The following GAS2L2 variants were observed in gnomAD, a reference collection of about 807,000 sequenced individuals.
GAS2L2 encodes the protein GAS2-like protein 2.
GAS2L2 carries 21 observed loss-of-function variants against 35.2 expected under a neutral mutation model. The observed-to-expected ratio is 0.60, with a 90% CI of 0.42 to 0.86. GAS2L2 has a LOEUF of 0.86. GAS2L2 is among the 40% of genes least tolerant of loss of function. The probability of loss-of-function intolerance (pLI) is 0.00; values close to 1 mark genes in which losing one functional copy is unlikely to be tolerated. For synonymous variants in GAS2L2, 490 were observed against 473.2 expected (o/e 1.04, Z -0.46); for missense variants, 1,169 against 1,144.4 (o/e 1.02, Z -0.31).
At position 35,747,957 on chromosome 17, in the gene GAS2L2, A is replaced by G. The variant is rs782445806; in HGVS notation, c.736-12T>C. On this transcript the variant is annotated splice_polypyrimidine_tract_variant and intron_variant, in intron 3 of 5. Coordinates refer to ENST00000604641, the MANE Select transcript of GAS2L2 (RefSeq NM_139285.4). The stretch of plus-strand genomic sequence containing the variant: ...TGGTTCCGGAGGATCTGAGGGGGCA[A>G]GGGTGAGGTTAAGGGCGGGGTGGAG... 3 of 1,610,294 alleles carry G rather than the reference A, an allele frequency of 1.9e-6. No individual in the cohort carries two copies. The highest frequency in any genetic ancestry group is 1.7e-6 in the Non-Finnish European group (2 of 1,177,206).
Position 35,752,802 on chromosome 17 carries a change from G to T in GAS2L2, c.49C>A (p.Pro17Thr). 2 of 1,612,898 alleles carry T rather than the reference G, an allele frequency of 1.2e-6. No individual in the cohort carries two copies. Among genetic ancestry groups the T allele is most frequent in the Admixed American group, 1.7e-5 (1 of 60,006 alleles). The change falls in exon 1 of 6, where the codon CCT (proline) becomes ACT (threonine). Residue 17 changes from proline to threonine, a missense_variant. Transcript: ENST00000604641. ...TTGAAAGGCCGGATACTGCACACAG[G>T]CGGCCCTAGGGTCCTGGGCTTCCTC... ...GRRKPRTLGP[P>T]VCSIRPFKSS...
rs587677612 is a variant in GAS2L2 at position 35,751,848 on chromosome 17, C to CTT, written c.385+616_385+617dup. 7.1e-3 allele frequency among the ~76,000 whole-genome samples: 712 copies of CTT among 99,992 alleles called. 55 individuals are homozygous for CTT. The highest frequency in any genetic ancestry group is 0.017 in the African/African-American group (351 of 20,536). The allele number at this position is 99,992 out of a possible 152,430, so 65.6% of individuals were successfully genotyped here. On this transcript the variant is annotated intron_variant, in intron 1 of 5. Transcript: ENST00000604641. ...TATCCCTCTACCTCTCTCTCTCTCT[C>CTT]TTTTTTTTTTTTTTTTTTTTTTTTT...
Position 35,750,193 on chromosome 17 carries a change from G to T in GAS2L2, c.511C>A (p.Leu171Met). Reference protein sequence around the residue: ...FGVAAPTLVQLEEEIEEEVRR... With the variant: ...FGVAAPTLVQMEEEIEEEVRR... ...ACCTCCTCCTCGATCTCCTCCTCCA[G>T]CTGCACGAGTGTGGGCGCCGCAACA... Residue 171 changes from leucine (L) to methionine (M), a missense_variant, in exon 2 of 6, where the codon CTG (leucine) becomes ATG (methionine). Physicochemically the swap from Leu to Met is conservative, Grantham distance 15 (BLOSUM62 2). Around this residue, in one of 3 missense-constraint regions of GAS2L2, gnomAD observed 1,035 missense variants for 976.5 expected, o/e 1.06. Transcript: ENST00000604641. 1 of 1,613,524 alleles carries T rather than the reference G, an allele frequency of 6.2e-7. No individual in the cohort carries two copies. The highest frequency in any genetic ancestry group is 8.5e-7 in the Non-Finnish European group (1 of 1,179,678).
rs2085687275 is a variant in GAS2L2, at chr17:35,749,100, C to T, written c.735+10G>A. The T allele has an allele frequency of 1.3e-6, 2 of 1,594,892 alleles. No individual in the cohort carries two copies. Among genetic ancestry groups the T allele is most frequent in the Admixed American group, 3.3e-5 (2 of 59,842 alleles). On this transcript the variant is annotated intron_variant, in intron 3 of 5. Transcript: ENST00000604641. ...TTCTGGGGGTCCCTTGACCCCCAGC[C>T]TGGACTTACCCGGATGAAGATGAGG...
chr17:35,745,981 G>A lies in GAS2L2; in HGVS notation c.1516C>T (p.Arg506Trp), dbSNP rs146429928. ...GTTGGGGGGCGAGCAGGGGGCAGCC[G>A]GATGGGGATCTTGGTTAGGCCTTGG... ...PVQGLTKIPI[R>W]LPPARPPTPG... The change falls in exon 6 of 6, where the codon CGG becomes TGG. Residue 506 changes from arginine to tryptophan, a missense_variant. Arg to Trp is a moderately radical substitution (Grantham distance 101, BLOSUM62 -3). This residue lies in a region of GAS2L2 where 1,035 missense variants were observed against 976.5 expected (regional missense o/e 1.06). Coordinates refer to ENST00000604641, the MANE Select transcript of GAS2L2 (RefSeq NM_139285.4). 66 of 1,597,444 alleles carry A rather than the reference G, an allele frequency of 4.1e-5. No individual in the cohort carries two copies. Among genetic ancestry groups the A allele is most frequent in the African/African-American group, 2.7e-4 (20 of 74,674 alleles).
At chr17:35,751,820 A>G (rs587656153) in intron 1 of GAS2L2, among the ~76,000 whole-genome samples, 8 of 138,268 alleles carry the variant, frequency 5.8e-5, no homozygotes, top group African/African-American at 2.2e-4. Flanking sequence ...TAATTTATGT[A>G]TCTATCCCTC....
chr17:35,746,062 T>C lies in GAS2L2; in HGVS notation c.1435A>G (p.Lys479Glu). 6.5e-7 allele frequency: 1 copy of C among 1,528,758 alleles called. No homozygotes were observed. Among genetic ancestry groups the C allele is most frequent in the Non-Finnish European group, 8.8e-7 (1 of 1,138,020 alleles). The allele number at this position is 1,528,758 out of a possible 1,614,324, so 94.7% of individuals were successfully genotyped here. A position where few individuals can be genotyped will look rare whatever the true frequency, so the allele number is the denominator to read the frequency against. Residue 479 changes from lysine to glutamate, a missense_variant, in exon 6 of 6, where the codon AAG becomes GAG. Transcript: ENST00000604641. The part of the protein sequence containing the change: ...GLRLPLRDEA[K>E]GAFFQFREPE... ...TCCCTGAACTGGAAGAACGCACCCT[T>C]GGCCTCATCCCGGAGTGGCAGCCTG...
chr17:35,751,319 C>T (rs1229562474), intron 1 of GAS2L2, among the ~76,000 whole-genome samples: 2 of 152,112 alleles, frequency 1.3e-5, no homozygotes, highest in African/African-American at 4.8e-5. Context: ...GCGCCTTTGC[C>T]CCTGTCATCC....
intron 5 of GAS2L2, 37 bp from the exon 6 acceptor site, chr17:35,746,448 C>T (rs374540202): frequency 2.3e-5 from 30 of 1,291,044 alleles, no homozygotes; most frequent in East Asian, 5.5e-5. Flanking sequence ...AAGGGAGACT[C>T]ATCAGGCCGG....
At chr17:35,748,895 CA>C (rs1292017972) in intron 3 of GAS2L2, among the ~76,000 whole-genome samples, 7 of 152,162 alleles carry the variant, frequency 4.6e-5, no homozygotes, top group Non-Finnish European at 7.4e-5. Context: ...GGAATTCTCC[CA>C]GGGTGAGAAG....
In GAS2L2 at chr17:35,745,011, C is replaced by T. The variant is rs146126521; in HGVS notation, c.2486G>A (p.Arg829Gln). ...CTCACCTACTGAAGCTCCATCCACC[C>T]GGGATGCCTCCCCTCCCTTGCTGCC... Reference protein sequence around the residue: ...VLGSKGGEASRVDGASVGEEE... With the variant: ...VLGSKGGEASQVDGASVGEEE... Residue 829 changes from arginine (R) to glutamine (Q), a missense_variant, in exon 6 of 6, where the codon CGG (arginine) becomes CAG (glutamine). Physicochemically the swap from Arg to Gln is conservative, Grantham distance 43 (BLOSUM62 1). Transcript: ENST00000604641. 5.7e-5 allele frequency: 92 copies of T among 1,614,124 alleles called. No individual in the cohort carries two copies. The highest frequency in any genetic ancestry group is 3.3e-4 in the Middle Eastern group (2 of 6,062).
In GAS2L2 at chr17:35,747,226, A is replaced by G. The variant is rs782060479; in HGVS notation, c.875T>C (p.Val292Ala). Residue 292 changes from valine (V) to alanine (A), a missense_variant, in exon 5 of 6, where the codon GTG becomes GCG. Around this residue, in one of 3 missense-constraint regions of GAS2L2, gnomAD observed 1,035 missense variants for 976.5 expected, o/e 1.06. Coordinates refer to ENST00000604641, the MANE Select transcript of GAS2L2 (RefSeq NM_139285.4). ...GSFLKPPAPP[V>A]QHEVRVQDGP... is the part of the protein sequence containing the mutation. ...ATCCTGTACCCTTACTTCATGCTGC[A>G]CTGGTGGGGCCGGGGGCTTCAGGAA... 1.2e-6 allele frequency: 2 copies of G among 1,613,602 alleles called. No individual in the cohort carries two copies. Among genetic ancestry groups the G allele is most frequent in the South Asian group, 2.2e-5 (2 of 91,050 alleles).
chr17:35,750,805 C>G (rs1443269558), intron 1 of GAS2L2, among the ~76,000 whole-genome samples: 2 of 152,190 alleles, frequency 1.3e-5, no homozygotes, highest in African/African-American at 4.8e-5. Flanking sequence ...CTGGAGCCAA[C>G]CACTAAGTCT....
At position 35,745,536 on chromosome 17, in the gene GAS2L2, G is replaced by A. The variant is rs3744374; in HGVS notation, c.1961C>T (p.Ala654Val). 370,988 of 1,612,418 alleles carry A rather than the reference G, an allele frequency of 0.23. 44,420 individuals carry two copies. Among genetic ancestry groups the A allele is most frequent in the African/African-American group, 0.33 (24,400 of 74,912 alleles). ...GGACCCCTGAGCCAGTTCTTGGATG[G>A]CTTTGTCATAAGGACCCCCAGGCTC... ...WPEPGGPYDK[A>V]IQELAQGSPS... Residue 654 changes from alanine to valine, a missense_variant, in exon 6 of 6, where the codon GCC (alanine) becomes GTC (valine). Around this residue, in one of 3 missense-constraint regions of GAS2L2, gnomAD observed 1,035 missense variants for 976.5 expected, o/e 1.06. Transcript: ENST00000604641.
chr17:35,750,140 G>C lies in GAS2L2; in HGVS notation c.564C>G (p.Pro188=), dbSNP rs781864159. 2 of 1,604,456 alleles carry C rather than the reference G, an allele frequency of 1.2e-6. No individual in the cohort carries two copies. The highest frequency in any genetic ancestry group is 1.7e-6 in the Non-Finnish European group (2 of 1,177,016). ...EVRRELALPP[P]DPSPPAPPRR... is the part of the protein sequence containing the mutation. ...TGGGGGGCGCTGGCGGCGAGGGGTC[G>C]GGCGGGGGCAGGGCCAGCTCCCGCC... The change falls in exon 2 of 6, where the codon CCC becomes CCG. Residue 188 remains proline (P), a synonymous_variant. Coordinates refer to ENST00000604641, the MANE Select transcript of GAS2L2 (RefSeq NM_139285.4).
At chr17:35,752,411 C>A in intron 1 of GAS2L2, 55 bp downstream of exon 1, 1 of 1,511,874 alleles carries the variant, frequency 6.6e-7, no homozygotes, top group South Asian at 1.3e-5. Context: ...TGAGAAAGGA[C>A]CAATACCCCC....
chr17:35,745,430 C>T lies in GAS2L2; in HGVS notation c.2067G>A (p.Pro689=), dbSNP rs587603570. The T allele has an allele frequency of 3.7e-5, 58 of 1,572,744 alleles. No individual in the cohort carries two copies. Among genetic ancestry groups the T allele is most frequent in the Admixed American group, 3.2e-4 (18 of 55,502 alleles). Residue 689 remains proline (P), a synonymous_variant, in exon 6 of 6, where the codon CCG becomes CCA. Transcript: ENST00000604641. ...CTCCCAACTTCCCTTTGAGGCTTCC[C>T]GGTCCTGGGGTAACAGCTGGCTTAG... ...GSPKPAVTPG[P]GSLKGKLGAR...
chr17:35,751,063 CCA>C, intron 1 of GAS2L2, among the ~76,000 whole-genome samples: 1 of 152,294 alleles, frequency 6.6e-6, no homozygotes, highest in South Asian at 2.1e-4. Flanking sequence ...GACCCTTTCC[CCA>C]GTCTCACCCC....
Position 35,745,737 on chromosome 17 carries a change from TA to T in GAS2L2, c.1759del (p.Tyr587ThrfsTer26), listed in dbSNP as rs2085661788. On this transcript the variant is annotated frameshift_variant, in exon 6 of 6. Transcript: ENST00000604641. LOFTEE classifies it low-confidence loss of function (END_TRUNC). ...DLGLQEQEGR[Y>X]TPLPLGGNKE... ...GTTCCCGCCCAAGGGCAGAGGTGTG[TA>T]CCGCCCCTCCTGCTCCTGTAGGCCC... 4.3e-6 allele frequency: 7 copies of T among 1,613,726 alleles called. No homozygotes were observed. The highest frequency in any genetic ancestry group is 5.1e-6 in the Non-Finnish European group (6 of 1,180,046).
Sources: allele counts gnomAD v4.1 joint callset (sites outside exome capture counted in the v4.1 genomes callset), GRCh38; gene constraint gnomAD v4.1.1; regional missense constraint gnomAD v4.1.1; transcripts MANE v1.5; gene names NCBI Gene and HGNC (gene_info 2026-07-23, HGNC 2026-07-21).